The following MCTP1 variants were observed in gnomAD, a reference collection of about 807,000 sequenced individuals.
MCTP1 encodes multiple C2 and transmembrane domain-containing protein 1.
A neutral mutation model predicts 120.6 loss-of-function variants in MCTP1; 69 were observed. The ratio of observed to expected loss-of-function variants is 0.57; its 90% confidence interval spans 0.47 to 0.70. The LOEUF (loss-of-function observed/expected upper bound fraction) is 0.70, where lower values mean the gene tolerates loss of function less well. Among genes scored for constraint, MCTP1 ranks in the 30% least tolerant of loss-of-function variants. The probability of loss-of-function intolerance (pLI) is 0.00; values close to 1 mark genes in which losing one functional copy is unlikely to be tolerated. For synonymous variants in MCTP1, 529 were observed against 493.1 expected, an observed-to-expected ratio of 1.07 and a Z score of -0.96; for missense variants, 1,203 against 1,248.8, an observed-to-expected ratio of 0.96 and a Z score of 0.55.
In MCTP1 at chr5:95,284,104, A is replaced by C. The variant is rs750403530; in HGVS notation, c.472T>G (p.Ser158Ala). The C allele has an allele frequency of 1.9e-6, 3 of 1,551,252 alleles. No individual in the cohort carries two copies. The highest frequency in any genetic ancestry group is 1.4e-5 in the African/African-American group (1 of 72,814). Reference protein sequence around the residue: ...PGGRSPDSAPSSSSASSSLSS... With the variant: ...PGGRSPDSAPASSSASSSLSS... ...AGGGAGGATGAGGCGGAGGAAGAGG[A>C]AGGAGCTGAGTCGGGGGAGCGTCCG... The change falls in exon 1 of 23, where the codon TCC becomes GCC. Residue 158 changes from serine to alanine, a missense_variant. Ser to Ala is a moderately conservative substitution (Grantham distance 99, BLOSUM62 1). Coordinates refer to ENST00000515393, the MANE Select transcript of MCTP1 (RefSeq NM_024717.7). The surrounding 1 kb of genome is among the most constrained non-coding windows in gnomAD (Gnocchi z 5.2).
intron 1 of MCTP1, among the ~76,000 whole-genome samples, chr5:95,029,433 T>C (rs1023964783): frequency 5.3e-5 from 8 of 152,186 alleles, no homozygotes; most frequent in African/African-American, 1.9e-4. Flanking sequence ...CCAGAGACAT[T>C]GGATGCTAGT....
At chr5:94,855,917 C>T (rs1229074851) in intron 17 of MCTP1, among the ~76,000 whole-genome samples, 2 of 151,516 alleles carry the variant, frequency 1.3e-5, no homozygotes, top group African/African-American at 4.8e-5. Context: ...ATATAAACCA[C>T]CGGAAAAAAT....
intron 12 of MCTP1, among the ~76,000 whole-genome samples, chr5:94,879,976 A>G (rs1310764234): frequency 6.6e-6 from 1 of 152,128 alleles, no homozygotes; most frequent in African/African-American, 2.4e-5. Flanking sequence ...CCATATTGAT[A>G]TATGTTGGGA....
intron 1 of MCTP1, among the ~76,000 whole-genome samples, chr5:95,231,133 A>T (rs192951246): frequency 6.6e-6 from 1 of 152,310 alleles, no homozygotes; most frequent in Admixed American, 6.5e-5. Context: ...TCACTGAAAG[A>T]CTGAAAATTT....
chr5:95,276,201 C>A (rs1249447658), intron 1 of MCTP1, among the ~76,000 whole-genome samples: 1 of 146,878 alleles, frequency 6.8e-6, no homozygotes, highest in Non-Finnish European at 1.5e-5. Context: ...ATTTAAGAGG[C>A]AACAGAATGA....
chr5:94,814,365 A>T (rs566066411), intron 17 of MCTP1, among the ~76,000 whole-genome samples: 1 of 152,318 alleles, frequency 6.6e-6, no homozygotes, highest in East Asian at 1.9e-4. Flanking sequence ...CACTTCCAAA[A>T]TATTTTAAAA....
chr5:95,177,875 T>C (rs1748189756), intron 1 of MCTP1, among the ~76,000 whole-genome samples: 1 of 152,064 alleles, frequency 6.6e-6, no homozygotes. Flanking sequence ...GATCCCAAAT[T>C]GTAGAGGTAA....
chr5:94,973,642 C>G (rs1470221819), intron 2 of MCTP1, among the ~76,000 whole-genome samples: 1 of 152,094 alleles, frequency 6.6e-6, no homozygotes, highest in Non-Finnish European at 1.5e-5. Context: ...TAATATATTA[C>G]CTTTGCTAAG....
chr5:94,931,013 T>C (rs945643198), intron 6 of MCTP1: 3 of 152,148 alleles, frequency 2.0e-5, no homozygotes, highest in Admixed American at 6.6e-5. Flanking sequence ...TGGTCATTAA[T>C]GCCATTAATG....
chr5:94,705,832 T>A lies in MCTP1; in HGVS notation c.*1664A>T, dbSNP rs1269693521. 6.6e-6 allele frequency: 1 copy of A among 151,710 alleles called. No homozygotes were observed. The highest frequency in any genetic ancestry group is 6.6e-5 in the Admixed American group (1 of 15,184). The allele number at this position is 151,710 out of a possible 1,614,324, so 9.4% of individuals were successfully genotyped here. On this transcript the variant is annotated 3_prime_UTR_variant, in exon 23 of 23. Transcript: ENST00000515393. ...TCATGTTCATGGAACATTATGTTTT[T>A]AGCAACAAACAGTGATGGTATGCAG...
chr5:94,756,287 T>TA (rs1275116261), intron 19 of MCTP1, among the ~76,000 whole-genome samples: 1 of 152,212 alleles, frequency 6.6e-6, no homozygotes, highest in African/African-American at 2.4e-5. Context: ...TCTTAACCAC[T>TA]ATGCTCTACT....
In MCTP1 at chr5:94,707,493, T is replaced by C; in HGVS notation, c.*3A>G. ...TGCTGGTCTCCTCAGTGCTGGGAGC[T>C]GGCTAGCCAAGATTGTTTTTCTTTC... On this transcript the variant is annotated 3_prime_UTR_variant, in exon 23 of 23. Transcript: ENST00000515393. 6.2e-7 allele frequency: 1 copy of C among 1,610,492 alleles called. No homozygotes were observed. Among genetic ancestry groups the C allele is most frequent in the Non-Finnish European group, 8.5e-7 (1 of 1,177,346 alleles).
chr5:94,736,469 C>A (rs1764275237), intron 19 of MCTP1, among the ~76,000 whole-genome samples: 1 of 152,078 alleles, frequency 6.6e-6, no homozygotes, highest in Non-Finnish European at 1.5e-5. Flanking sequence ...GGTGACAGAG[C>A]AAGACCCTGT....
In MCTP1 at chr5:94,956,581, A is replaced by G. The variant is rs181898035; in HGVS notation, c.839-3220T>C. On this transcript the variant is annotated intron_variant, in intron 2 of 22. Coordinates refer to ENST00000515393, the MANE Select transcript of MCTP1 (RefSeq NM_024717.7). ...TTCAGAGAAGAACATAAATGACCTG[A>G]TGGAGCTGAAAAACACAGCATGAGA... is the stretch of plus-strand genomic sequence containing the variant. 4.3e-3 allele frequency among the ~76,000 whole-genome samples: 660 copies of G among 152,300 alleles called. 5 individuals are homozygous for G. Among genetic ancestry groups the G allele is most frequent in the Admixed American group, 9.3e-3 (143 of 15,300 alleles).
chr5:95,132,615 C>T (rs537607482), intron 1 of MCTP1, among the ~76,000 whole-genome samples: 14 of 152,320 alleles, frequency 9.2e-5, no homozygotes, highest in African/African-American at 2.9e-4. Context: ...GTCCCGCGAC[C>T]TCAGCACTTT....
intron 1 of MCTP1, among the ~76,000 whole-genome samples, chr5:95,170,810 A>G (rs1423642515): frequency 6.6e-6 from 1 of 152,172 alleles, no homozygotes; most frequent in Non-Finnish European, 1.5e-5. Context: ...GTGTCTCTGC[A>G]CATGAGATGG....
At chr5:94,717,884 A>G (rs1416079696) in intron 19 of MCTP1, among the ~76,000 whole-genome samples, 1 of 152,120 alleles carries the variant, frequency 6.6e-6, no homozygotes, top group Non-Finnish European at 1.5e-5. Flanking sequence ...CACAAATGGG[A>G]AAATATTCCA....
At chr5:94,913,092 ATTTT>A in intron 8 of MCTP1, 116 bp from the exon 9 acceptor site, 1 of 514,290 alleles carries the variant, frequency 1.9e-6, no homozygotes, top group Non-Finnish European at 3.3e-6. Context: ...GGCAATTATA[ATTTT>A]TTTAACTAAA....
intron 1 of MCTP1, among the ~76,000 whole-genome samples, chr5:95,078,031 T>TATCCATCCATCCATCC (rs1011387309): frequency 1.4e-5 from 2 of 139,458 alleles, no homozygotes; most frequent in African/African-American, 5.3e-5. Flanking sequence ...ATCATCCATC[T>TATCCATCCATCCATCC]ATCCATCCAT....
Sources: allele counts gnomAD v4.1 joint callset (sites outside exome capture counted in the v4.1 genomes callset), GRCh38; gene constraint gnomAD v4.1.1; non-coding constraint Gnocchi (gnomAD v3.1); transcripts MANE v1.5; gene names NCBI Gene and HGNC (gene_info 2026-07-23, HGNC 2026-07-21).